RBM48: variants seen among roughly 807,000 people sequenced by gnomAD.
RBM48 encodes the protein RNA binding motif protein 48.
A neutral mutation model predicts 34.8 loss-of-function variants in RBM48; 32 were observed. That is an observed-to-expected ratio of 0.92 (90% confidence interval 0.69 to 1.23). RBM48 has a LOEUF of 1.23. RBM48 is among the 50% of genes most tolerant of loss of function. The pLI is 0.00. For synonymous variants in RBM48, 151 were observed against 156.2 expected (o/e 0.97, Z 0.25); for missense variants, 441 against 447.2 (o/e 0.99, Z 0.12).
At chr7:92,534,369 C>A in intron 3 of RBM48, 33 bp from the exon 4 acceptor site, 1 of 1,578,800 alleles carries the variant, frequency 6.3e-7, no homozygotes, top group Middle Eastern at 1.7e-4. Context: ...CTTCTGTTTC[C>A]CTTTCCCTCA....
At chr7:92,531,972 T>G (rs1221068558) in intron 2 of RBM48, among the ~76,000 whole-genome samples, 1 of 152,206 alleles carries the variant, frequency 6.6e-6, no homozygotes, top group African/African-American at 2.4e-5. Flanking sequence ...TAATAGTTCC[T>G]CAGTTATTGA....
At position 92,532,474 on chromosome 7, in the gene RBM48, T is replaced by C. The variant is rs1793599611; in HGVS notation, c.373T>C (p.Phe125Leu). 1 of 1,612,648 alleles carries C rather than the reference T, an allele frequency of 6.2e-7. No individual in the cohort carries two copies. The highest frequency in any genetic ancestry group is 8.5e-7 in the Non-Finnish European group (1 of 1,178,794). Residue 125 changes from phenylalanine to leucine, a missense_variant, in exon 3 of 5, where the codon TTT becomes CTT. Phe to Leu is a conservative substitution (Grantham distance 22, BLOSUM62 0). Transcript: ENST00000265732. Reference sequence around the variant, plus strand: ...GCTTCATGTGTGCTATGCTCCAGAATTTGAAACAGTTGAAGAAACTAGAAA... The same window carrying C: ...GCTTCATGTGTGCTATGCTCCAGAACTTGAAACAGTTGAAGAAACTAGAAA... ...GLLHVCYAPE[F>L]ETVEETRKKL...
intron 2 of RBM48, 79 bp from the exon 3 acceptor site, chr7:92,532,325 C>T (rs1793594316): frequency 4.1e-6 from 5 of 1,222,458 alleles, no homozygotes; most frequent in Non-Finnish European, 5.8e-6. Context: ...TCTTTAGATC[C>T]AGATATTGCA....
intron 2 of RBM48, among the ~76,000 whole-genome samples, chr7:92,531,412 T>C (rs1793573057): frequency 6.6e-6 from 1 of 152,228 alleles, no homozygotes; most frequent in South Asian, 2.1e-4. Flanking sequence ...TCTATTTTTA[T>C]ATTGATCTCT....
intron 2 of RBM48, among the ~76,000 whole-genome samples, chr7:92,532,013 A>AT (rs1793587511): frequency 6.6e-6 from 1 of 152,128 alleles, no homozygotes; most frequent in African/African-American, 2.4e-5. Context: ...CTTTCATCTG[A>AT]TTTTTAAGGC....
intron 4 of RBM48, chr7:92,535,328 T>C: frequency 1.4e-5 from 16 of 1,157,766 alleles, no homozygotes; most frequent in Non-Finnish European, 1.6e-5. Context: ...AAAAGTATTG[T>C]AAATTATTTC....
chr7:92,539,764 A>C lies in RBM48; in HGVS notation c.*2827A>C, dbSNP rs1178548860. Among the ~76,000 whole-genome samples the C allele has an allele frequency of 6.6e-6, 1 of 152,244 alleles. No individual in the cohort carries two copies. Among genetic ancestry groups the C allele is most frequent in the African/African-American group, 2.4e-5 (1 of 41,468 alleles). ...TTGATAAAGGAAGAACATGTAAGGC[A>C]ATTTTATGAGCCAAATCAATTATTA... is the stretch of plus-strand genomic sequence containing the variant. On this transcript the variant is annotated 3_prime_UTR_variant, in exon 5 of 5. Coordinates refer to ENST00000265732, the MANE Select transcript of RBM48 (RefSeq NM_032120.4).
intron 4 of RBM48, chr7:92,535,632 T>C (rs1585278830): frequency 1.0e-6 from 1 of 985,302 alleles, no homozygotes; most frequent in African/African-American, 1.7e-5. Context: ...TTACAAATCA[T>C]AAACTGAGGG....
At position 92,534,776 on chromosome 7, in the gene RBM48, A is replaced by G. The variant is rs752618357; in HGVS notation, c.823A>G (p.Met275Val). The change falls in exon 4 of 5, where the codon ATG becomes GTG. Residue 275 changes from methionine (M) to valine (V), a missense_variant. By Grantham distance (21) the Met-to-Val change is conservative. Coordinates refer to ENST00000265732, the MANE Select transcript of RBM48 (RefSeq NM_032120.4). Reference sequence around the variant, plus strand: ...GTCTTCAGAGGCAGTTGACAGATTTATGCCTAGGACAACACAACTGCAGGA... The same window carrying G: ...GTCTTCAGAGGCAGTTGACAGATTTGTGCCTAGGACAACACAACTGCAGGA... The part of the protein sequence containing the change: ...ITSSEAVDRF[M>V]PRTTQLQERK... 6 of 1,614,092 alleles carry G rather than the reference A, an allele frequency of 3.7e-6. No individual in the cohort carries two copies. In the East Asian group the frequency reaches 1.1e-4, roughly 30 times the overall value.
chr7:92,529,609 C>T lies in RBM48; in HGVS notation c.245C>T (p.Pro82Leu), dbSNP rs764454839. The change falls in exon 2 of 5, where the codon CCA becomes CTA. Residue 82 changes from proline (P) to leucine (L), a missense_variant. By Grantham distance (98) the Pro-to-Leu change is moderately conservative. Coordinates refer to ENST00000265732, the MANE Select transcript of RBM48 (RefSeq NM_032120.4). Reference protein sequence around the residue: ...IEQYNALDEYPAEDFTEVYLI... With the variant: ...IEQYNALDEYLAEDFTEVYLI... ...CAGTACAATGCTCTAGATGAATACC[C>T]AGCAGAAGACTTTACTGAAGTTTAT... is the stretch of plus-strand genomic sequence containing the variant. 3.1e-6 allele frequency: 5 copies of T among 1,609,692 alleles called. No homozygotes were observed. The South Asian group carries it at 3.3e-5, about 11-fold the overall frequency.
At chr7:92,531,421 C>G (rs1179652665) in intron 2 of RBM48, among the ~76,000 whole-genome samples, 3 of 152,200 alleles carry the variant, frequency 2.0e-5, no homozygotes, top group South Asian at 4.1e-4. Flanking sequence ...ATATTGATCT[C>G]TGTTCTCCTC....
chr7:92,536,777 A>C, intron 4 of RBM48, 74 bp from the exon 5 acceptor site: 1 of 1,485,504 alleles, frequency 6.7e-7, no homozygotes, highest in Non-Finnish European at 8.9e-7. Flanking sequence ...ATGTAGTCTT[A>C]CCTCTTCTAA....
At position 92,534,855 on chromosome 7, in the gene RBM48, AC is replaced by A; in HGVS notation, c.905del (p.Pro302GlnfsTer7). 6.2e-7 allele frequency: 1 copy of A among 1,614,168 alleles called. No homozygotes were observed. Among genetic ancestry groups the A allele is most frequent in the Non-Finnish European group, 8.5e-7 (1 of 1,180,012 alleles). Reference sequence around the variant, plus strand: ...AAACTTGGAACTTTTCTTCAAACAAACCCAACTGGTAATGAGATTATGATTG... The same window carrying A: ...AAACTTGGAACTTTTCTTCAAACAAACCAACTGGTAATGAGATTATGATTG... Reference protein sequence around the residue: ...DRKLGTFLQTNPTGNEIMIGP... With the variant: ...DRKLGTFLQTXPTGNEIMIGP... On this transcript the variant is annotated frameshift_variant, in exon 4 of 5. Transcript: ENST00000265732. LOFTEE classifies it high-confidence loss of function.
chr7:92,528,829 G>C lies in RBM48; in HGVS notation c.16G>C (p.Gly6Arg), dbSNP rs1323051953. MASSG[G>R]ELGSLFDHHV... Reference sequence around the variant, plus strand: ...AGTAGGCAAGATGGCGTCGAGCGGCGGGGAGCTAGGGAGTTTATTTGATCA... The same window carrying C: ...AGTAGGCAAGATGGCGTCGAGCGGCCGGGAGCTAGGGAGTTTATTTGATCA... Residue 6 changes from glycine to arginine, a missense_variant, in exon 1 of 5, where the codon GGG (glycine) becomes CGG (arginine). By Grantham distance (125) the Gly-to-Arg change is moderately radical (BLOSUM62 -2). Transcript: ENST00000265732. 2 of 1,613,998 alleles carry C rather than the reference G, an allele frequency of 1.2e-6. No individual in the cohort carries two copies. The highest frequency in any genetic ancestry group is 1.1e-5 in the South Asian group (1 of 91,056).
rs920781762 is a variant in RBM48, at chr7:92,538,374, G to A, written c.*1437G>A. On this transcript the variant is annotated 3_prime_UTR_variant, in exon 5 of 5. Coordinates refer to ENST00000265732, the MANE Select transcript of RBM48 (RefSeq NM_032120.4). The stretch of plus-strand genomic sequence containing the variant: ...AACCTCAGGCCTGGTCAGTGGCGTC[G>A]GTTGGTTTTGCCACTGGCTCCATTC... 3.9e-5 allele frequency among the ~76,000 whole-genome samples: 6 copies of A among 152,076 alleles called. No homozygotes were observed. Among genetic ancestry groups the A allele is most frequent in the African/African-American group, 1.2e-4 (5 of 41,410 alleles).
In RBM48 at chr7:92,534,940, G is replaced by C; in HGVS notation, c.987G>C (p.Thr329=). The C allele has an allele frequency of 6.2e-7, 1 of 1,614,004 alleles. No homozygotes were observed. The highest frequency in any genetic ancestry group is 8.5e-7 in the Non-Finnish European group (1 of 1,179,984). Residue 329 remains threonine, a synonymous_variant, in exon 4 of 5, where the codon ACG becomes ACC. Coordinates refer to ENST00000265732, the MANE Select transcript of RBM48 (RefSeq NM_032120.4). Reference sequence around the variant, plus strand: ...TGCACGATGACTCATTGAATACAACGGCGAATTTAATTCGGCATAAACTTA... The same window carrying C: ...TGCACGATGACTCATTGAATACAACCGCGAATTTAATTCGGCATAAACTTA... ...VDMHDDSLNT[T]ANLIRHKLKE... is the part of the protein sequence containing the mutation.
rs1038302154 is a variant in RBM48, at chr7:92,529,085, C to T, written c.111+161C>T. On this transcript the variant is annotated intron_variant, in intron 1 of 4. Coordinates refer to ENST00000265732, the MANE Select transcript of RBM48 (RefSeq NM_032120.4). ...CCCTCGGTCAGTTACCAAAGATTCT[C>T]ACGACGCCTTTGGTCAAGTATTAGA... 3.0e-5 allele frequency: 20 copies of T among 662,758 alleles called. No individual in the cohort carries two copies. The African/African-American group carries it at 3.5e-4, about 12-fold the overall frequency. 41.1% of individuals were successfully genotyped at this position (662,758 alleles called of 1,614,324 possible). A position where few individuals can be genotyped will look rare whatever the true frequency, so the allele number is the denominator to read the frequency against.
intron 2 of RBM48, among the ~76,000 whole-genome samples, chr7:92,530,069 C>T (rs751201942): frequency 2.0e-5 from 3 of 150,330 alleles, no homozygotes; most frequent in East Asian, 2.0e-4. Context: ...CCCAGCTACT[C>T]GGGAGGCTGA....
intron 3 of RBM48, among the ~76,000 whole-genome samples, chr7:92,534,063 C>A (rs564727976): frequency 2.0e-4 from 30 of 150,038 alleles, no homozygotes; most frequent in African/African-American, 5.4e-4. Context: ...CAGAGAAATG[C>A]GTATTACAGG....
Sources: gnomAD v4.1 joint callset for allele counts (sites outside exome capture counted in the v4.1 genomes callset) on GRCh38, gnomAD v4.1.1 for gene constraint, MANE v1.5 for transcripts, NCBI Gene and HGNC (gene_info 2026-07-23, HGNC 2026-07-21) for gene names.